The following SLC35F4 variants were observed in gnomAD, a reference collection of about 807,000 sequenced individuals.
The protein encoded by SLC35F4 is chromosome 14 open reading frame 36.
A neutral mutation model predicts 44.2 loss-of-function variants in SLC35F4; 24 were observed. That is an observed-to-expected ratio of 0.54 (90% confidence interval 0.39 to 0.76). The LOEUF is 0.76. Ranked by LOEUF, SLC35F4 falls within the 30% of genes least tolerant of loss-of-function variation. SLC35F4 has a pLI of 0.00. For synonymous variants in SLC35F4, 238 were observed against 223.6 expected (o/e 1.06, Z -0.57); for missense variants, 562 against 586.1 (o/e 0.96, Z 0.42).
intron 1 of SLC35F4, chr14:57,596,562 G>C: frequency 2.6e-6 from 1 of 378,032 alleles, no homozygotes; most frequent in South Asian, 2.0e-5. Flanking sequence ...GGGTAATATT[G>C]GGTTTCATTT....
intron 1 of SLC35F4, among the ~76,000 whole-genome samples, chr14:57,700,981 T>G (rs904380748): frequency 6.6e-6 from 1 of 152,048 alleles, no homozygotes; most frequent in Admixed American, 6.6e-5. Flanking sequence ...TTTTCTAGCT[T>G]AAATTTGGTT....
At chr14:57,839,881 C>T (rs1197502369) in intron 1 of SLC35F4, among the ~76,000 whole-genome samples, 1 of 152,146 alleles carries the variant, frequency 6.6e-6, no homozygotes, top group Non-Finnish European at 1.5e-5. Flanking sequence ...GAGTTAAGAA[C>T]TTTATCAACA....
At chr14:57,971,385 A>G (rs1385554598) in intron 1 of SLC35F4, among the ~76,000 whole-genome samples, 1 of 152,212 alleles carries the variant, frequency 6.6e-6, no homozygotes, top group Non-Finnish European at 1.5e-5. Flanking sequence ...GATTCAAACT[A>G]ATAAACTTTG....
intron 1 of SLC35F4, among the ~76,000 whole-genome samples, chr14:57,688,175 A>C (rs1377086466): frequency 1.3e-5 from 2 of 152,192 alleles, no homozygotes; most frequent in Non-Finnish European, 2.9e-5. Context: ...AGAGAGAAAG[A>C]AAGCAAAAAA....
chr14:57,641,609 A>G (rs866664393), intron 1 of SLC35F4, among the ~76,000 whole-genome samples: 2 of 152,040 alleles, frequency 1.3e-5, no homozygotes, highest in Admixed American at 1.3e-4. Flanking sequence ...ATTCTACTAG[A>G]AAATGATTCA....
chr14:57,694,252 T>C (rs758470366), intron 1 of SLC35F4, among the ~76,000 whole-genome samples: 22 of 152,188 alleles, frequency 1.4e-4, no homozygotes, highest in Non-Finnish European at 2.8e-4. Flanking sequence ...TTAAACTCTA[T>C]TGACTAGCTT....
Position 57,865,855 on chromosome 14 carries a change from G to C in SLC35F4, c.-30C>G, listed in dbSNP as rs1273247651. 1.4e-6 allele frequency: 2 copies of C among 1,461,936 alleles called. No homozygotes were observed. The highest frequency in any genetic ancestry group is 1.8e-6 in the Non-Finnish European group (2 of 1,099,608). The allele number at this position is 1,461,936 out of a possible 1,614,324, so 90.6% of individuals were successfully genotyped here. On this transcript the variant is annotated 5_prime_UTR_variant, in exon 1 of 8. Transcript: ENST00000556826. Reference sequence around the variant, plus strand: ...AGCGCGGGGCGACGGCCCCGAGTGCGGCGGGGCGGAGAGCGCAGCGCGGGG... The same window carrying C: ...AGCGCGGGGCGACGGCCCCGAGTGCCGCGGGGCGGAGAGCGCAGCGCGGGG...
intron 1 of SLC35F4, among the ~76,000 whole-genome samples, chr14:57,801,211 T>TTTAA (rs762214271): frequency 3.1e-4 from 47 of 152,318 alleles, no homozygotes; most frequent in Middle Eastern, 6.8e-3. Flanking sequence ...GGGACCAATA[T>TTTAA]TTAACATTCT....
At chr14:57,627,985 A>T (rs1018421523) in intron 1 of SLC35F4, among the ~76,000 whole-genome samples, 1 of 152,100 alleles carries the variant, frequency 6.6e-6, no homozygotes, top group Middle Eastern at 3.2e-3. Context: ...ATCTCAATTC[A>T]CCTATGTAGA....
chr14:57,575,506 A>G (rs2068737460), intron 4 of SLC35F4, among the ~76,000 whole-genome samples: 1 of 152,134 alleles, frequency 6.6e-6, no homozygotes. Context: ...AGATGGGGAA[A>G]AAAAAAACTC....
At chr14:57,879,334 TC>T (rs2141031521) in intron 1 of SLC35F4, among the ~76,000 whole-genome samples, 1 of 152,204 alleles carries the variant, frequency 6.6e-6, no homozygotes, top group African/African-American at 2.4e-5. Context: ...ATAATAAGAC[TC>T]ATTCCTTACC....
chr14:57,681,720 A>C (rs900375341), intron 1 of SLC35F4, among the ~76,000 whole-genome samples: 4 of 152,114 alleles, frequency 2.6e-5, no homozygotes, highest in Non-Finnish European at 5.9e-5. Context: ...GAACCTACAG[A>C]ATGGGAGAAA....
At chr14:57,740,889 C>A (rs956581127) in intron 1 of SLC35F4, among the ~76,000 whole-genome samples, 4 of 152,230 alleles carry the variant, frequency 2.6e-5, no homozygotes, top group Non-Finnish European at 4.4e-5. Flanking sequence ...TAGGGGCCGA[C>A]TGACACCTCA....
intron 1 of SLC35F4, among the ~76,000 whole-genome samples, chr14:57,819,230 C>T (rs1395503115): frequency 1.3e-5 from 2 of 151,838 alleles, no homozygotes; most frequent in Non-Finnish European, 2.9e-5. Context: ...CCTTTTTACC[C>T]ATAATATTGG....
chr14:57,611,454 A>AAC (rs1168434390), intron 1 of SLC35F4, among the ~76,000 whole-genome samples: 86 of 152,250 alleles, frequency 5.6e-4, no homozygotes, highest in Non-Finnish European at 3.5e-4. Flanking sequence ...GTCCAGGATG[A>AAC]ACACCCCGGG....
intron 1 of SLC35F4, among the ~76,000 whole-genome samples, chr14:57,731,797 C>A (rs1468410159): frequency 1.3e-5 from 2 of 152,270 alleles, no homozygotes; most frequent in Non-Finnish European, 2.9e-5. Flanking sequence ...ATAACTTATT[C>A]TGAAACTAGA....
chr14:57,798,541 C>T (rs1197573424), intron 1 of SLC35F4, among the ~76,000 whole-genome samples: 2 of 152,088 alleles, frequency 1.3e-5, no homozygotes, highest in African/African-American at 2.4e-5. Context: ...CACAAACTAC[C>T]ACATACCATC....
chr14:57,953,558 G>A (rs1185690228), intron 1 of SLC35F4, among the ~76,000 whole-genome samples: 1 of 152,010 alleles, frequency 6.6e-6, no homozygotes, highest in Non-Finnish European at 1.5e-5. Flanking sequence ...GACACACATG[G>A]GCTCAAAATA....
intron 1 of SLC35F4, among the ~76,000 whole-genome samples, chr14:57,879,730 C>T (rs1011793611): frequency 6.6e-6 from 1 of 152,116 alleles, no homozygotes; most frequent in African/African-American, 2.4e-5. Flanking sequence ...CCTTTGTGTC[C>T]TGTTGTGTCT....
Sources: allele counts gnomAD v4.1 joint callset (sites outside exome capture counted in the v4.1 genomes callset), GRCh38; gene constraint gnomAD v4.1.1; transcripts MANE v1.5; gene names NCBI Gene and HGNC (gene_info 2026-07-23, HGNC 2026-07-21).